ANKRD55: variants seen among roughly 807,000 people sequenced by gnomAD.
ANKRD55 encodes the protein ankyrin repeat domain 55.
ANKRD55 carries 41 observed loss-of-function variants against 60.6 expected under a neutral mutation model. The ratio of observed to expected loss-of-function variants is 0.68; its 90% CI spans 0.53 to 0.88. The LOEUF (loss-of-function observed/expected upper bound fraction) is 0.88. Ranked by LOEUF, ANKRD55 falls within the 40% of genes least tolerant of loss-of-function variation. The pLI, the probability that ANKRD55 is intolerant of heterozygous loss-of-function variation, is 0.00. For missense variants in ANKRD55, 732 were observed against 767.6 expected (o/e 0.95, Z 0.55); for synonymous variants, 264 against 290.3 (o/e 0.91, Z 0.92).
At chr5:56,140,985 C>T (rs1333292335) in intron 7 of ANKRD55, among the ~76,000 whole-genome samples, 1 of 152,058 alleles carries the variant, frequency 6.6e-6, no homozygotes, top group Non-Finnish European at 1.5e-5. Context: ...ATTGCTTGAA[C>T]CCGGGAGGCA....
Position 56,111,665 on chromosome 5 carries a change from A to G in ANKRD55, c.1083T>C (p.His361=). The G allele has an allele frequency of 6.5e-7, 1 of 1,529,776 alleles. No individual in the cohort carries two copies. Among genetic ancestry groups the G allele is most frequent in the Middle Eastern group, 1.8e-4 (1 of 5,650 alleles). The allele number at this position is 1,529,776 out of a possible 1,614,324, so 94.8% of individuals were successfully genotyped here. A position where few individuals can be genotyped will look rare whatever the true frequency, so the allele number is the denominator to read the frequency against. ...ATCGGTCCCTGCTGGGATCCTTCTG[A>G]TGGGCTCTCTGCTCTTCTTTCTTGT... is the stretch of plus-strand genomic sequence containing the variant. The part of the protein sequence containing the change: ...CKNKKEEQRA[H]QKDPSRDRYR... The change falls in exon 10 of 12, where the codon CAT becomes CAC. Residue 361 remains histidine, a synonymous_variant. Coordinates refer to ENST00000341048, the MANE Select transcript of ANKRD55 (RefSeq NM_024669.3).
chr5:56,127,351 A>G, intron 7 of ANKRD55: 2 of 985,408 alleles, frequency 2.0e-6, no homozygotes, highest in East Asian at 1.1e-4. Flanking sequence ...ATTGTCTTCC[A>G]TAACTAGTGA....
At chr5:56,122,326 C>A (rs377451332) in intron 8 of ANKRD55, among the ~76,000 whole-genome samples, 1 of 152,032 alleles carries the variant, frequency 6.6e-6, no homozygotes, top group Non-Finnish European at 1.5e-5. Flanking sequence ...AGGTACTGGA[C>A]GTTTGATTCT....
At chr5:56,114,765 G>C (rs535291554) in intron 9 of ANKRD55, among the ~76,000 whole-genome samples, 2 of 152,278 alleles carry the variant, frequency 1.3e-5, no homozygotes, top group Non-Finnish European at 1.5e-5. Flanking sequence ...ACTGCTGCTT[G>C]TTAAGTTTTG....
chr5:56,106,152 G>A (rs1756458646), intron 10 of ANKRD55, among the ~76,000 whole-genome samples: 1 of 152,176 alleles, frequency 6.6e-6, no homozygotes, highest in South Asian at 2.1e-4. Flanking sequence ...TTTAACAGCA[G>A]CACTACTAAC....
intron 2 of ANKRD55, among the ~76,000 whole-genome samples, chr5:56,205,050 G>C (rs1235979198): frequency 7.1e-6 from 1 of 140,744 alleles, no homozygotes; most frequent in Non-Finnish European, 1.5e-5. Flanking sequence ...GTTTAGACTT[G>C]TTTTCTTTTC....
intron 5 of ANKRD55, among the ~76,000 whole-genome samples, chr5:56,168,358 A>T (rs1758532241): frequency 6.6e-6 from 1 of 152,210 alleles, no homozygotes; most frequent in Non-Finnish European, 1.5e-5. Flanking sequence ...GAGTAGAATG[A>T]TGAAATCTGC....
intron 2 of ANKRD55, among the ~76,000 whole-genome samples, chr5:56,191,636 G>C (rs1759094615): frequency 2.0e-5 from 3 of 152,174 alleles, no homozygotes. Flanking sequence ...GAAGTAGTGA[G>C]CTTCCTGTCA....
At chr5:56,203,190 C>T (rs1012213008) in intron 2 of ANKRD55, among the ~76,000 whole-genome samples, 1 of 152,078 alleles carries the variant, frequency 6.6e-6, no homozygotes, top group Non-Finnish European at 1.5e-5. Flanking sequence ...TGTTCCCACC[C>T]AAATCTCATC....
At position 56,123,403 on chromosome 5, in the gene ANKRD55, G is replaced by T. The variant is rs998202342; in HGVS notation, c.797+3519C>A. 2.3e-4 allele frequency among the ~76,000 whole-genome samples: 35 copies of T among 152,126 alleles called. 1 individual carries two copies. Among genetic ancestry groups the T allele is most frequent in the Admixed American group, 2.2e-3 (33 of 15,272 alleles). On this transcript the variant is annotated intron_variant, in intron 8 of 11. Coordinates refer to ENST00000341048, the MANE Select transcript of ANKRD55 (RefSeq NM_024669.3). ...CAATTAAACACCTTTTTCCTGTTAT[G>T]CTAGAAGCAGCAATTTTATAACACG...
At chr5:56,214,048 G>C (rs1323119122) in intron 2 of ANKRD55, among the ~76,000 whole-genome samples, 2 of 152,226 alleles carry the variant, frequency 1.3e-5, no homozygotes, top group African/African-American at 4.8e-5. Flanking sequence ...GCAGGCAAGA[G>C]AGCTTGTGCA....
chr5:56,112,515 A>AAAACAAAAAAAAAACAAAC (rs1428183936), intron 9 of ANKRD55, among the ~76,000 whole-genome samples: 3 of 150,114 alleles, frequency 2.0e-5, no homozygotes, highest in African/African-American at 7.3e-5. Context: ...AAAAAAAAAA[A>AAAACAAAAAAAAAACAAAC]AAAAAAACAA....
chr5:56,194,909 G>A (rs1252071854), intron 2 of ANKRD55, among the ~76,000 whole-genome samples: 5 of 152,150 alleles, frequency 3.3e-5, no homozygotes, highest in Non-Finnish European at 7.4e-5. Context: ...TCATCCTGTT[G>A]AGAGATGAGA....
At chr5:56,129,637 C>T (rs1054976188) in intron 7 of ANKRD55, among the ~76,000 whole-genome samples, 1 of 152,190 alleles carries the variant, frequency 6.6e-6, no homozygotes, top group Non-Finnish European at 1.5e-5. Context: ...TAACTGTAGA[C>T]ATTCTAGGTG....
chr5:56,111,122 T>C lies in ANKRD55; in HGVS notation c.1626A>G (p.Ser542=). ...ACATGAAATCAAGGACATTACCTGATGATGGATTATGTAGATGGCGAAGGT... is the reference window on the plus strand; with the variant it reads ...ACATGAAATCAAGGACATTACCTGACGATGGATTATGTAGATGGCGAAGGT... ...PPHLRHLHNP[S]SGQNFQHLSP... is the part of the protein sequence containing the mutation. Residue 542 remains serine, a synonymous_variant, in exon 10 of 12, where the codon TCA becomes TCG. Transcript: ENST00000341048. 1.2e-6 allele frequency: 2 copies of C among 1,612,400 alleles called. No individual in the cohort carries two copies. The highest frequency in any genetic ancestry group is 2.2e-5 in the East Asian group (1 of 44,866).
chr5:56,149,658 A>T (rs138154975), intron 6 of ANKRD55, among the ~76,000 whole-genome samples: 29 of 152,310 alleles, frequency 1.9e-4, no homozygotes, highest in African/African-American at 6.7e-4. Flanking sequence ...TTAAAATAAA[A>T]CAATCTTCCT....
rs1475310372 is a variant in ANKRD55, at chr5:56,100,117, G to T, written c.*66C>A. 1 of 1,606,436 alleles carries T rather than the reference G, an allele frequency of 6.2e-7. No homozygotes were observed. Among genetic ancestry groups the T allele is most frequent in the African/African-American group, 1.3e-5 (1 of 74,770 alleles). ...TTGGTCTTCGTTCTTACAAACTGGAGTAATCTTGTCCTTTGAGAGTTGAAA... is the reference window on the plus strand; with the variant it reads ...TTGGTCTTCGTTCTTACAAACTGGATTAATCTTGTCCTTTGAGAGTTGAAA... On this transcript the variant is annotated 3_prime_UTR_variant, in exon 12 of 12. Coordinates refer to ENST00000341048, the MANE Select transcript of ANKRD55 (RefSeq NM_024669.3).
chr5:56,198,884 C>G (rs946695667), intron 2 of ANKRD55, among the ~76,000 whole-genome samples: 5 of 151,934 alleles, frequency 3.3e-5, no homozygotes, highest in South Asian at 2.1e-4. Context: ...TCAAGACCAA[C>G]CTGGCTAACA....
intron 10 of ANKRD55, among the ~76,000 whole-genome samples, chr5:56,105,361 AC>A (rs1473293459): frequency 6.6e-6 from 1 of 152,176 alleles, no homozygotes; most frequent in South Asian, 2.1e-4. Context: ...TGTTGGGATT[AC>A]AGGCGTGAGC....
Sources: allele counts gnomAD v4.1 joint callset (sites outside exome capture counted in the v4.1 genomes callset), GRCh38; gene constraint gnomAD v4.1.1; transcripts MANE v1.5; gene names NCBI Gene and HGNC (gene_info 2026-07-23, HGNC 2026-07-21).